The following BBC3 variants were observed in gnomAD, a reference collection of about 807,000 sequenced individuals.
BBC3 encodes the protein bcl-2-binding component 3.
BBC3 carries 5 observed loss-of-function variants against 18.2 expected under a neutral mutation model. The observed-to-expected ratio is 0.27, with a 90% CI of 0.14 to 0.58. The LOEUF (loss-of-function observed/expected upper bound fraction) is 0.58. Ranked by LOEUF, BBC3 falls within the 20% of genes least tolerant of loss-of-function variation. The probability of loss-of-function intolerance (pLI) is 0.91; values close to 1 mark genes in which losing one functional copy is unlikely to be tolerated. For synonymous variants in BBC3, 119 were observed against 128.0 expected (o/e 0.93, Z 0.47); for missense variants, 224 against 268.9 (o/e 0.83, Z 1.17).
chr19:47,229,823 C>T (rs1044016128), intron 1 of BBC3, among the ~76,000 whole-genome samples: 4 of 152,126 alleles, frequency 2.6e-5, no homozygotes, highest in Non-Finnish European at 4.4e-5. Flanking sequence ...CATACATACA[C>T]ACACACACTC....
upstream of BBC3, among the ~76,000 whole-genome samples, chr19:47,232,091 C>T (rs1167374433): frequency 6.6e-6 from 1 of 152,230 alleles, no homozygotes; most frequent in African/African-American, 2.4e-5. Context: ...GTGGCTCATG[C>T]CTGTAATCCC....
intron 3 of BBC3, among the ~76,000 whole-genome samples, chr19:47,224,417 G>A (rs781149030): frequency 2.0e-5 from 3 of 152,166 alleles, no homozygotes; most frequent in Non-Finnish European, 2.9e-5. Context: ...GAGGCCAGGA[G>A]TTTGAGACCA....
rs1183639074 is a variant in BBC3 at position 47,230,533 on chromosome 19, G to A, written c.-16+396C>T. Among the ~76,000 whole-genome samples, 1 of 150,752 alleles carries A rather than the reference G, an allele frequency of 6.6e-6. No individual in the cohort carries two copies. On this transcript the variant is annotated intron_variant, in intron 1 of 3. Transcript: ENST00000439096. This position sits in a 1 kb window ranked among gnomAD's most constrained non-coding sequence, Gnocchi z 6.7. ...CACGGCCCGCGAGCCGCCCCCCGTCGCCGCCCCCAGCGGGCGCGCGCCCTG... is the reference window on the plus strand; with the variant it reads ...CACGGCCCGCGAGCCGCCCCCCGTCACCGCCCCCAGCGGGCGCGCGCCCTG...
chr19:47,226,889 T>C, intron 2 of BBC3, 135 bp from the exon 3 acceptor site: 1 of 794,294 alleles, frequency 1.3e-6, no homozygotes, highest in African/African-American at 1.8e-5. Flanking sequence ...AGTCAATTTC[T>C]CAGCTTCTCC....
chr19:47,227,316 C>A (rs777934702), intron 2 of BBC3: 10,684 of 123,184 alleles, frequency 0.087, 784 homozygotes, highest in Admixed American at 0.18. Flanking sequence ...TTCCTGCCCC[C>A]CCCCCCCCCC....
chr19:47,225,881 G>A (rs994936690), intron 3 of BBC3, among the ~76,000 whole-genome samples: 2 of 152,188 alleles, frequency 1.3e-5, no homozygotes, highest in African/African-American at 2.4e-5. Context: ...ATGCAAGGAG[G>A]GGGAAGGGAT....
At chr19:47,223,690 G>A (rs571265077) in intron 3 of BBC3, among the ~76,000 whole-genome samples, 11 of 152,324 alleles carry the variant, frequency 7.2e-5, no homozygotes, top group African/African-American at 2.2e-4. Context: ...TGCAGGGGAA[G>A]GAGAAACTCA....
intron 3 of BBC3, chr19:47,222,491 G>T (rs2058762831): frequency 1.3e-5 from 2 of 152,324 alleles, no homozygotes; most frequent in African/African-American, 4.8e-5. Flanking sequence ...GCAGGCAGGA[G>T]GCTAGGTCCT....
upstream of BBC3, among the ~76,000 whole-genome samples, chr19:47,231,734 C>A (rs1281597197): frequency 6.6e-6 from 1 of 152,092 alleles, no homozygotes; most frequent in Non-Finnish European, 1.5e-5. The surrounding 1 kb of genome is among the most constrained non-coding windows in gnomAD (Gnocchi z 4.0). Flanking sequence ...GTCCCCTGGA[C>A]AAGCAGACGG....
rs993388673 is a variant in BBC3 at position 47,230,641 on chromosome 19, C to T, written c.-16+288G>A. 3 of 835,188 alleles carry T rather than the reference C, an allele frequency of 3.6e-6. No homozygotes were observed. The highest frequency in any genetic ancestry group is 3.7e-5 in the African/African-American group (2 of 54,014). 51.7% of individuals were successfully genotyped at this position (835,188 alleles called of 1,614,324 possible). On this transcript the variant is annotated intron_variant, in intron 1 of 3. Coordinates refer to ENST00000439096, the MANE Select transcript of BBC3 (RefSeq NM_014417.5). The surrounding 1 kb of genome is among the most constrained non-coding windows in gnomAD (Gnocchi z 6.7). The stretch of plus-strand genomic sequence containing the variant: ...CACCCCTGGGGTCGACCCTCTTCCC[C>T]GGGGCCGCACTGGCCGCCAGGGGGC...
rs1027305463 is a variant in BBC3 at position 47,230,406 on chromosome 19, C to A, written c.-16+523G>T. ...ACCCCCCTCCGCTGTCACAGCCCCC[C>A]CCACCGCCGCCACGTGCGCCCGCCC... On this transcript the variant is annotated intron_variant, in intron 1 of 3. Coordinates refer to ENST00000439096, the MANE Select transcript of BBC3 (RefSeq NM_014417.5). This position sits in a 1 kb window ranked among gnomAD's most constrained non-coding sequence, Gnocchi z 6.7. Among the ~76,000 whole-genome samples, 2 of 151,294 alleles carry A rather than the reference C, an allele frequency of 1.3e-5. No individual in the cohort carries two copies. Among genetic ancestry groups the A allele is most frequent in the Non-Finnish European group, 3.0e-5 (2 of 67,394 alleles).
chr19:47,229,752 C>T (rs1179722683), intron 1 of BBC3, among the ~76,000 whole-genome samples: 2 of 151,842 alleles, frequency 1.3e-5, no homozygotes, highest in East Asian at 1.9e-4. Context: ...GTCCTCAAAT[C>T]CCAGACGCTG....
chr19:47,229,611 G>A (rs2058885172), intron 1 of BBC3, among the ~76,000 whole-genome samples: 1 of 150,844 alleles, frequency 6.6e-6, no homozygotes, highest in Admixed American at 6.6e-5. Context: ...TGACACACAT[G>A]AGCCAGCCGA....
intron 2 of BBC3, 69 bp from the exon 3 acceptor site, chr19:47,226,823 C>T (rs2058831788): frequency 7.9e-7 from 1 of 1,268,522 alleles, no homozygotes; most frequent in Non-Finnish European, 1.0e-6. Context: ...TCGGCCTGCT[C>T]CCCTCTTTCC....
intron 3 of BBC3, among the ~76,000 whole-genome samples, chr19:47,225,609 C>A (rs1444493982): frequency 6.6e-6 from 1 of 151,634 alleles, no homozygotes; most frequent in Admixed American, 6.6e-5. Context: ...CTTCTATCTC[C>A]GCCTCCCAAA....
At position 47,221,720 on chromosome 19, in the gene BBC3, T is replaced by TC. The variant is rs775156041; in HGVS notation, c.*81dup. 6.3e-7 allele frequency: 1 copy of TC among 1,592,826 alleles called. No individual in the cohort carries two copies. The highest frequency in any genetic ancestry group is 8.5e-7 in the Non-Finnish European group (1 of 1,173,818). ...AGTATGCTACATGGTGCAGAGAAAG[T>TC]CCCCCGCGCTGGCCAGGGTGTCAGG... On this transcript the variant is annotated 3_prime_UTR_variant, in exon 4 of 4. Coordinates refer to ENST00000439096, the MANE Select transcript of BBC3 (RefSeq NM_014417.5).
In BBC3 at chr19:47,226,673, G is replaced by T; in HGVS notation, c.356C>A (p.Pro119His). ...GCGGACTCCCGGGGCCGCCTGGGTG[G>T]GACCGCCCGCCAGAGCCCCCGGGGC... Reference protein sequence around the residue: ...PSAPGALAGGPTQAAPGVRGE... With the variant: ...PSAPGALAGGHTQAAPGVRGE... The change falls in exon 3 of 4, where the codon CCC becomes CAC. Residue 119 changes from proline to histidine, a missense_variant. Transcript: ENST00000439096. 1 of 1,507,838 alleles carries T rather than the reference G, an allele frequency of 6.6e-7. No individual in the cohort carries two copies. The highest frequency in any genetic ancestry group is 8.9e-7 in the Non-Finnish European group (1 of 1,129,702). The allele number at this position is 1,507,838 out of a possible 1,614,324, so 93.4% of individuals were successfully genotyped here.
intron 3 of BBC3, among the ~76,000 whole-genome samples, chr19:47,225,294 T>C (rs2058800738): frequency 6.6e-6 from 1 of 152,074 alleles, no homozygotes; most frequent in Admixed American, 6.6e-5. Flanking sequence ...GTGAGCCACT[T>C]GCCTCCGCCT....
At chr19:47,231,212 G>C (rs2058910576), upstream of BBC3, 14 of 981,882 alleles carry the variant, frequency 1.4e-5, no homozygotes, top group Non-Finnish European at 1.7e-5. This position sits in a 1 kb window ranked among gnomAD's most constrained non-coding sequence, Gnocchi z 4.0. Flanking sequence ...GCCGCCCGGC[G>C]GATCCCGGGC....
Sources: gnomAD v4.1 joint callset for allele counts (sites outside exome capture counted in the v4.1 genomes callset) on GRCh38, gnomAD v4.1.1 for gene constraint, Gnocchi (gnomAD v3.1) non-coding constraint, MANE v1.5 for transcripts, NCBI Gene and HGNC (gene_info 2026-07-23, HGNC 2026-07-21) for gene names.